POU2F1: variants seen among roughly 807,000 people sequenced by gnomAD.
POU2F1 encodes POU class 2 homeobox 1, also known as POU domain, class 2, transcription factor 1.
A neutral mutation model predicts 84.9 loss-of-function variants in POU2F1; 16 were observed. The ratio of observed to expected loss-of-function variants is 0.19; its 90% CI spans 0.13 to 0.29. POU2F1 has a LOEUF of 0.29. Among genes scored for constraint, POU2F1 ranks in the 10% least tolerant of loss-of-function variants. The pLI is 1.00. For synonymous variants in POU2F1, 368 were observed against 368.3 expected (o/e 1.00, Z 0.01); for missense variants, 738 against 942.6 (o/e 0.78, Z 2.84).
chr1:167,411,164 C>A (rs538534775), intron 13 of POU2F1, among the ~76,000 whole-genome samples: 1 of 151,804 alleles, frequency 6.6e-6, no homozygotes, highest in African/African-American at 2.4e-5. Flanking sequence ...CTTAGCCTCC[C>A]GAGTAGCTGG....
At chr1:167,282,391 G>T (rs1268691081) in intron 1 of POU2F1, among the ~76,000 whole-genome samples, 5 of 152,102 alleles carry the variant, frequency 3.3e-5, no homozygotes, top group South Asian at 4.1e-4. Context: ...TAATCCGCCC[G>T]CCTCGGCCTC....
chr1:167,387,979 C>A (rs1229203927), intron 8 of POU2F1, among the ~76,000 whole-genome samples: 1 of 152,090 alleles, frequency 6.6e-6, no homozygotes, highest in Non-Finnish European at 1.5e-5. Context: ...TTTGAAGTAA[C>A]AGGATATATT....
At chr1:167,354,855 C>G (rs1241792128) in intron 2 of POU2F1, among the ~76,000 whole-genome samples, 8 of 152,076 alleles carry the variant, frequency 5.3e-5, no homozygotes, top group Non-Finnish European at 1.2e-4. Context: ...GTTCATTTAT[C>G]TTGCCTATTT....
intron 7 of POU2F1, among the ~76,000 whole-genome samples, chr1:167,383,095 T>A (rs1647687844): frequency 6.6e-6 from 1 of 152,226 alleles, no homozygotes; most frequent in South Asian, 2.1e-4. Context: ...ACCATTGCTC[T>A]TATCACAGCA....
chr1:167,373,756 A>G (rs994366197), intron 5 of POU2F1, among the ~76,000 whole-genome samples: 2 of 151,970 alleles, frequency 1.3e-5, no homozygotes, highest in Non-Finnish European at 2.9e-5. Flanking sequence ...TTCCTCATTC[A>G]TCTGACTAAT....
rs143602263 is a variant in POU2F1 at position 167,354,707 on chromosome 1, T to C, written c.128-10760T>C. On this transcript the variant is annotated intron_variant, in intron 2 of 15. Transcript: ENST00000367866. Reference sequence around the variant, plus strand: ...AATAGCAACTGGGATTAACCGACTTTGCAATTTTAGCCAATTTATCAGGTG... The same window carrying C: ...AATAGCAACTGGGATTAACCGACTTCGCAATTTTAGCCAATTTATCAGGTG... 5.7e-3 allele frequency among the ~76,000 whole-genome samples: 868 copies of C among 152,366 alleles called. 3 individuals are homozygous for C. Among genetic ancestry groups the C allele is most frequent in the Middle Eastern group, 0.017 (5 of 294 alleles).
At chr1:167,398,388 G>A (rs1648960542) in intron 11 of POU2F1, among the ~76,000 whole-genome samples, 1 of 152,128 alleles carries the variant, frequency 6.6e-6, no homozygotes, top group Admixed American at 6.5e-5. Context: ...GGATACATAG[G>A]AATTAATTCC....
intron 9 of POU2F1, among the ~76,000 whole-genome samples, chr1:167,391,629 G>T (rs757546189): frequency 1.4e-5 from 2 of 139,860 alleles, no homozygotes; most frequent in Non-Finnish European, 3.0e-5. Context: ...GAGTACAGTG[G>T]CATGATCACG....
At chr1:167,311,808 ATTT>A (rs869066181) in intron 1 of POU2F1, among the ~76,000 whole-genome samples, 1 of 132,784 alleles carries the variant, frequency 7.5e-6, no homozygotes, top group African/African-American at 2.8e-5. Flanking sequence ...TTATTTATTT[ATTT>A]TTTCTTTTGG....
chr1:167,284,527 T>G (rs955153297), intron 1 of POU2F1, among the ~76,000 whole-genome samples: 10 of 152,224 alleles, frequency 6.6e-5, no homozygotes, highest in African/African-American at 2.4e-4. Context: ...AGTTTATTTT[T>G]TAGGTATTCG....
In POU2F1 at chr1:167,297,168, C is replaced by T. The variant is rs138344144; in HGVS notation, c.62-35302C>T. Among the ~76,000 whole-genome samples the T allele has an allele frequency of 2.6e-5, 4 of 152,312 alleles. No homozygotes were observed. In the East Asian group the frequency reaches 7.7e-4, roughly 29 times the overall value. On this transcript the variant is annotated intron_variant, in intron 1 of 15. Transcript: ENST00000367866. ...TGCAGAGTTTTGGCAAAGTATGTGGCAGCCACATGTCTTCACAGAACACTG... is the reference window on the plus strand; with the variant it reads ...TGCAGAGTTTTGGCAAAGTATGTGGTAGCCACATGTCTTCACAGAACACTG...
intron 8 of POU2F1, among the ~76,000 whole-genome samples, chr1:167,388,973 A>G (rs1287732674): frequency 6.6e-6 from 1 of 152,182 alleles, no homozygotes; most frequent in Non-Finnish European, 1.5e-5. Flanking sequence ...ACAACGTTAA[A>G]TAAGAAAAGC....
chr1:167,256,705 G>T (rs1443192651), intron 1 of POU2F1, among the ~76,000 whole-genome samples: 3 of 152,132 alleles, frequency 2.0e-5, no homozygotes, highest in Non-Finnish European at 4.4e-5. Context: ...TGTTGCCTTT[G>T]AATAAGGGAG....
At chr1:167,359,405 G>A (rs1252066360) in intron 2 of POU2F1, among the ~76,000 whole-genome samples, 1 of 151,978 alleles carries the variant, frequency 6.6e-6, no homozygotes, top group Non-Finnish European at 1.5e-5. Context: ...TGTCTTATGT[G>A]TTTAACTCCC....
At chr1:167,363,708 A>G (rs753478630) in intron 2 of POU2F1, among the ~76,000 whole-genome samples, 15 of 152,206 alleles carry the variant, frequency 9.9e-5, no homozygotes, top group Admixed American at 5.2e-4. Context: ...GTAGTTTTCT[A>G]TTTGTGGAAG....
chr1:167,405,432 C>A (rs1046054288), intron 13 of POU2F1, among the ~76,000 whole-genome samples: 1 of 151,332 alleles, frequency 6.6e-6, no homozygotes, highest in African/African-American at 2.4e-5. Context: ...AATCCCAGCA[C>A]TTTGGTAGGC....
intron 9 of POU2F1, among the ~76,000 whole-genome samples, chr1:167,389,975 C>T (rs1214923037): frequency 6.6e-6 from 1 of 152,160 alleles, no homozygotes; most frequent in Non-Finnish European, 1.5e-5. Context: ...ATAGCATTTA[C>T]ATTATATTAA....
At chr1:167,228,913 G>T (rs1005534191) in intron 1 of POU2F1, among the ~76,000 whole-genome samples, 1 of 152,082 alleles carries the variant, frequency 6.6e-6, no homozygotes, top group Non-Finnish European at 1.5e-5. Context: ...CATTACCTCA[G>T]TTAGTCCTTT....
rs569853682 is a variant in POU2F1, at chr1:167,297,297, G to A, written c.62-35173G>A. 2.6e-5 allele frequency among the ~76,000 whole-genome samples: 4 copies of A among 152,288 alleles called. No homozygotes were observed. In the South Asian group the frequency reaches 8.3e-4, roughly 32 times the overall value. On this transcript the variant is annotated intron_variant, in intron 1 of 15. Transcript: ENST00000367866. Reference sequence around the variant, plus strand: ...TATTGGTAGTTTGCTTTCAGCTTCAGACAATTGGAACTGGCTGAAATACAA... The same window carrying A: ...TATTGGTAGTTTGCTTTCAGCTTCAAACAATTGGAACTGGCTGAAATACAA...
Sources: gnomAD v4.1 joint callset for allele counts (sites outside exome capture counted in the v4.1 genomes callset) on GRCh38, gnomAD v4.1.1 for gene constraint, MANE v1.5 for transcripts, NCBI Gene and HGNC (gene_info 2026-07-23, HGNC 2026-07-21) for gene names.